TMEM170A: variants seen among roughly 807,000 people sequenced by gnomAD.
The protein encoded by TMEM170A is transmembrane protein 170A, also known as transmembrane protein 170.
TMEM170A carries 18 observed loss-of-function variants against 12.8 expected under a neutral mutation model. The ratio of observed to expected loss-of-function variants is 1.41; its 90% CI spans 0.97 to 2.09. The LOEUF (loss-of-function observed/expected upper bound fraction) is 2.09. TMEM170A is among the 30% of genes most tolerant of loss of function. The pLI, the probability that TMEM170A is intolerant of heterozygous loss-of-function variation, is 0.00. For missense variants in TMEM170A, 220 were observed against 179.9 expected, an observed-to-expected ratio of 1.22 and a Z score of -1.28; for synonymous variants, 107 against 76.2, an observed-to-expected ratio of 1.40 and a Z score of -2.11.
chr16:75,456,191 A>C (rs1377160457), intron 1 of TMEM170A, among the ~76,000 whole-genome samples: 1 of 151,992 alleles, frequency 6.6e-6, no homozygotes. Context: ...AATTCAGAGC[A>C]TATTCTGAAC....
rs1189620398 is a variant in TMEM170A, at chr16:75,451,738, C to G, written c.235G>C (p.Gly79Arg). Residue 79 changes from glycine (G) to arginine (R), a missense_variant, in exon 2 of 3, where the codon GGT (glycine) becomes CGT (arginine). By Grantham distance (125) the Gly-to-Arg change is moderately radical. Coordinates refer to ENST00000561878, the MANE Select transcript of TMEM170A (RefSeq NM_145254.3). ...AGGATGCTTACAGACATGAACCTAC[C>G]ATATTTGTGATGTCTGAGGGTGAAG... is the stretch of plus-strand genomic sequence containing the variant. Reference protein sequence around the residue: ...ALFTLRHHKYGRFMSVSILLM... With the variant: ...ALFTLRHHKYRRFMSVSILLM... The G allele has an allele frequency of 1.2e-6, 2 of 1,614,126 alleles. No homozygotes were observed. Among genetic ancestry groups the G allele is most frequent in the South Asian group, 2.2e-5 (2 of 91,084 alleles).
chr16:75,461,105 G>A (rs756015254), intron 1 of TMEM170A, among the ~76,000 whole-genome samples: 1 of 152,156 alleles, frequency 6.6e-6, no homozygotes, highest in Non-Finnish European at 1.5e-5. Flanking sequence ...CCAGGCTGGA[G>A]TGCAGTGGCA....
intron 1 of TMEM170A, among the ~76,000 whole-genome samples, chr16:75,464,024 C>A (rs2079952367): frequency 6.6e-6 from 1 of 152,220 alleles, no homozygotes; most frequent in Admixed American, 6.5e-5. Context: ...AGCCCCGGGG[C>A]AAGGGGAGCG....
chr16:75,464,379 ACCCGGGAC>A lies in TMEM170A; in HGVS notation c.133+81_133+88del, dbSNP rs879735555. On this transcript the variant is annotated intron_variant, in intron 1 of 2. Coordinates refer to ENST00000561878, the MANE Select transcript of TMEM170A (RefSeq NM_145254.3). The stretch of plus-strand genomic sequence containing the variant: ...CGCCCACGCCGCCAGCAGGCTGCGC[ACCCGGGAC>A]CCCGCCCAGACTCGGGGCGCCCACA... 1.6e-3 allele frequency: 2,271 copies of A among 1,377,342 alleles called. 5 individuals are homozygous for A. Among genetic ancestry groups the A allele is most frequent in the Non-Finnish European group, 2.0e-3 (2,126 of 1,065,152 alleles). The allele number at this position is 1,377,342 out of a possible 1,614,324, so 85.3% of individuals were successfully genotyped here. A position where few individuals can be genotyped will look rare whatever the true frequency, so the allele number is the denominator to read the frequency against.
At chr16:75,455,787 C>T (rs1007923430) in intron 1 of TMEM170A, among the ~76,000 whole-genome samples, 2 of 152,104 alleles carry the variant, frequency 1.3e-5, no homozygotes, top group Non-Finnish European at 2.9e-5. Context: ...AAAAGAAAAA[C>T]AAGGTAAGAA....
intron 1 of TMEM170A, among the ~76,000 whole-genome samples, chr16:75,463,262 G>T (rs8054194): frequency 0.63 from 95,192 of 151,070 alleles, 30,193 homozygotes; most frequent in Admixed American, 0.72. Flanking sequence ...AACATTTCAT[G>T]TATCACACAG....
At position 75,451,720 on chromosome 16, in the gene TMEM170A, T is replaced by C. The variant is rs765190398; in HGVS notation, c.253A>G (p.Ser85Gly). Residue 85 changes from serine (S) to glycine (G), a missense_variant, in exon 2 of 3, where the codon AGC becomes GGC. Physicochemically the swap from Ser to Gly is moderately conservative, Grantham distance 56. Coordinates refer to ENST00000561878, the MANE Select transcript of TMEM170A (RefSeq NM_145254.3). ...CCCACGATGCCCATCAACAGGATGC[T>C]TACAGACATGAACCTACCATATTTG... ...HHKYGRFMSVSILLMGIVGPI... is the reference protein window; with the variant it reads ...HHKYGRFMSVGILLMGIVGPI... The C allele has an allele frequency of 6.2e-7, 1 of 1,614,174 alleles. No individual in the cohort carries two copies. Among genetic ancestry groups the C allele is most frequent in the Non-Finnish European group, 8.5e-7 (1 of 1,180,038 alleles).
At chr16:75,452,903 A>C (rs2151634852) in intron 1 of TMEM170A, among the ~76,000 whole-genome samples, 1 of 152,214 alleles carries the variant, frequency 6.6e-6, no homozygotes, top group Non-Finnish European at 1.5e-5. Context: ...CTTATCTGAA[A>C]CCATTTACAA....
chr16:75,461,178 C>G (rs111235450), intron 1 of TMEM170A, among the ~76,000 whole-genome samples: 4 of 151,864 alleles, frequency 2.6e-5, no homozygotes, highest in African/African-American at 4.9e-5. Context: ...CTCAGCCTCC[C>G]GAGTAGCTGG....
intron 1 of TMEM170A, chr16:75,464,131 TC>T: frequency 7.8e-7 from 1 of 1,288,730 alleles, no homozygotes. Context: ...GACCACAGCC[TC>T]CCGGGCTCGT....
chr16:75,463,300 A>G (rs1040512753), intron 1 of TMEM170A, among the ~76,000 whole-genome samples: 11 of 152,118 alleles, frequency 7.2e-5, no homozygotes, highest in South Asian at 2.1e-4. Context: ...CAATTTTTTG[A>G]TATCACTGTC....
At chr16:75,448,322 A>C (rs1381758175) in intron 2 of TMEM170A, among the ~76,000 whole-genome samples, 1 of 152,222 alleles carries the variant, frequency 6.6e-6, no homozygotes, top group East Asian at 1.9e-4. Flanking sequence ...GATTGTTTTT[A>C]TTACGCTAGT....
intron 1 of TMEM170A, among the ~76,000 whole-genome samples, chr16:75,454,424 C>G (rs1017572898): frequency 2.6e-5 from 4 of 151,624 alleles, no homozygotes; most frequent in Admixed American, 1.3e-4. Flanking sequence ...CAAGACCAGC[C>G]TGGCCAACAT....
At chr16:75,448,933 T>G (rs914365402) in intron 2 of TMEM170A, among the ~76,000 whole-genome samples, 14 of 151,924 alleles carry the variant, frequency 9.2e-5, no homozygotes. Context: ...GTAGTGAACG[T>G]GCCTGTAATC....
chr16:75,456,659 G>A (rs1204499203), intron 1 of TMEM170A, among the ~76,000 whole-genome samples: 1 of 152,168 alleles, frequency 6.6e-6, no homozygotes, highest in African/African-American at 2.4e-5. Context: ...GCCTTTCGCT[G>A]CCCAGAGACG....
At chr16:75,456,090 TA>T (rs1480093144) in intron 1 of TMEM170A, among the ~76,000 whole-genome samples, 3 of 152,312 alleles carry the variant, frequency 2.0e-5, no homozygotes, top group Middle Eastern at 6.8e-3. Context: ...CTATTGGAGA[TA>T]GGGGTGGAGC....
At chr16:75,452,997 G>A (rs1221048933) in intron 1 of TMEM170A, among the ~76,000 whole-genome samples, 3 of 152,102 alleles carry the variant, frequency 2.0e-5, no homozygotes, top group Non-Finnish European at 4.4e-5. Context: ...CAAGGGCAAA[G>A]CTGATAACAG....
chr16:75,455,374 T>C (rs1407355548), intron 1 of TMEM170A, among the ~76,000 whole-genome samples: 2 of 70,104 alleles, frequency 2.9e-5, no homozygotes, highest in East Asian at 7.4e-4. Context: ...AAAAAAAAAA[T>C]GCAATAGATG....
At chr16:75,464,022 G>A (rs1461346506) in intron 1 of TMEM170A, among the ~76,000 whole-genome samples, 3 of 152,240 alleles carry the variant, frequency 2.0e-5, no homozygotes, top group Non-Finnish European at 4.4e-5. Context: ...GCAGCCCCGG[G>A]GCAAGGGGAG....
Sources: allele counts gnomAD v4.1 joint callset (sites outside exome capture counted in the v4.1 genomes callset), GRCh38; gene constraint gnomAD v4.1.1; transcripts MANE v1.5; gene names NCBI Gene and HGNC (gene_info 2026-07-23, HGNC 2026-07-21).